Variants in ADAMTSL1 observed in about 807,000 individuals in gnomAD.
ADAMTSL1 encodes the protein ADAMTS like 1, also known as ADAMTS-like protein 1.
A neutral mutation model predicts 201.8 loss-of-function variants in ADAMTSL1; 126 were observed. That is an observed-to-expected ratio of 0.62 (90% CI 0.54 to 0.72). The LOEUF (loss-of-function observed/expected upper bound fraction) is 0.72, where lower values mean the gene tolerates loss of function less well. Among genes scored for constraint, ADAMTSL1 ranks in the 30% least tolerant of loss-of-function variants. The probability of loss-of-function intolerance (pLI) is 0.00; values close to 1 mark genes in which losing one functional copy is unlikely to be tolerated. For missense variants in ADAMTSL1, 2,679 were observed against 2,277.8 expected, an observed-to-expected ratio of 1.18 and a Z score of -3.59; for synonymous variants, 1,121 against 903.4, an observed-to-expected ratio of 1.24 and a Z score of -4.32.
chr9:18,576,542 T>C (rs1376773530), intron 4 of ADAMTSL1, among the ~76,000 whole-genome samples: 1 of 152,206 alleles, frequency 6.6e-6, no homozygotes, highest in African/African-American at 2.4e-5. Flanking sequence ...AACTCTTAAA[T>C]AGAATCACAG....
intron 2 of ADAMTSL1, among the ~76,000 whole-genome samples, chr9:18,274,486 A>G (rs1253104011): frequency 1.3e-5 from 2 of 152,212 alleles, no homozygotes; most frequent in Admixed American, 6.5e-5. Flanking sequence ...GTAGTTTGAA[A>G]AGAAATCTGC....
At chr9:18,838,685 C>T (rs1825495400) in intron 23 of ADAMTSL1, among the ~76,000 whole-genome samples, 1 of 151,438 alleles carries the variant, frequency 6.6e-6, no homozygotes, top group Non-Finnish European at 1.5e-5. Context: ...TAAAATATAA[C>T]TAGGCATGGT....
At chr9:18,650,099 G>T (rs915437884) in intron 7 of ADAMTSL1, among the ~76,000 whole-genome samples, 1 of 152,190 alleles carries the variant, frequency 6.6e-6, no homozygotes. Context: ...GCAATGGCGG[G>T]TGCCCATCCC....
chr9:18,054,257 C>T (rs1311506376), intron 1 of ADAMTSL1, among the ~76,000 whole-genome samples: 1 of 152,192 alleles, frequency 6.6e-6, no homozygotes, highest in Non-Finnish European at 1.5e-5. Flanking sequence ...AATAAATTTA[C>T]ACGCAACCCT....
intron 2 of ADAMTSL1, among the ~76,000 whole-genome samples, chr9:18,455,287 G>A (rs1041215612): frequency 1.3e-5 from 2 of 152,068 alleles, no homozygotes; most frequent in Admixed American, 6.6e-5. Context: ...TCATAGTCAC[G>A]ATTGTATACA....
intron 1 of ADAMTSL1, among the ~76,000 whole-genome samples, chr9:18,498,530 G>T (rs1379264208): frequency 6.6e-6 from 1 of 152,052 alleles, no homozygotes; most frequent in African/African-American, 2.4e-5. Flanking sequence ...TAACGATGGG[G>T]TTTAACCATG....
chr9:18,782,312 G>T (rs975943442), intron 19 of ADAMTSL1, among the ~76,000 whole-genome samples: 2 of 152,154 alleles, frequency 1.3e-5, no homozygotes, highest in Non-Finnish European at 2.9e-5. Flanking sequence ...ACATCGACTT[G>T]CTGGAAATAT....
At chr9:18,691,610 AAAGAT>A (rs1831220865) in intron 13 of ADAMTSL1, among the ~76,000 whole-genome samples, 1 of 152,206 alleles carries the variant, frequency 6.6e-6, no homozygotes, top group Admixed American at 6.5e-5. Flanking sequence ...ATGCCCTGAC[AAAGAT>A]ACAATCCTGC....
intron 2 of ADAMTSL1, among the ~76,000 whole-genome samples, chr9:18,458,821 G>A (rs1233112188): frequency 2.6e-5 from 4 of 152,134 alleles, no homozygotes; most frequent in African/African-American, 9.7e-5. Flanking sequence ...AAATTCTAGA[G>A]CTTGAAGGGA....
chr9:18,840,095 C>T (rs1262671673), intron 23 of ADAMTSL1, among the ~76,000 whole-genome samples: 2 of 146,926 alleles, frequency 1.4e-5, no homozygotes, highest in Non-Finnish European at 3.0e-5. Flanking sequence ...GTGTTTTAGA[C>T]ATGAAGTCCT....
At chr9:18,592,141 G>T (rs752546088) in intron 4 of ADAMTSL1, among the ~76,000 whole-genome samples, 9 of 152,108 alleles carry the variant, frequency 5.9e-5, no homozygotes, top group Non-Finnish European at 1.0e-4. Flanking sequence ...AGCTGTAGTG[G>T]ATCAGATTGG....
At chr9:18,016,483 T>C (rs1223472230) in intron 1 of ADAMTSL1, among the ~76,000 whole-genome samples, 1 of 152,016 alleles carries the variant, frequency 6.6e-6, no homozygotes, top group Non-Finnish European at 1.5e-5. Flanking sequence ...CAGAGTCCTG[T>C]AAGTAAATAT....
At chr9:18,240,842 G>T (rs79149992) in intron 2 of ADAMTSL1, among the ~76,000 whole-genome samples, 2,463 of 152,214 alleles carry the variant, frequency 0.016, 72 homozygotes, top group African/African-American at 0.057. Flanking sequence ...GCTTTACCTT[G>T]CATTTTTCTG....
chr9:18,193,477 TCTC>T (rs1829052351), intron 2 of ADAMTSL1, among the ~76,000 whole-genome samples: 1 of 152,122 alleles, frequency 6.6e-6, no homozygotes, highest in African/African-American at 2.4e-5. Context: ...GAAGCCTTTC[TCTC>T]CTCTTCTGGC....
rs561175889 is a variant in ADAMTSL1, at chr9:18,727,877, C to T, written c.2006+6212C>T. On this transcript the variant is annotated intron_variant, in intron 15 of 28. Transcript: ENST00000380548. ...GGTGGATCATCTGAGATCAGGAGTT[C>T]AAGACCAGCCTGGCCAACGTGGCAA... 4.8e-4 allele frequency among the ~76,000 whole-genome samples: 73 copies of T among 152,018 alleles called. 1 individual carries two copies. Among genetic ancestry groups the T allele is most frequent in the African/African-American group, 1.4e-3 (60 of 41,472 alleles).
chr9:18,050,024 C>T (rs1359241628), intron 1 of ADAMTSL1, among the ~76,000 whole-genome samples: 2 of 152,126 alleles, frequency 1.3e-5, no homozygotes, highest in African/African-American at 4.8e-5. Context: ...ACAACAGATA[C>T]CATATCTATG....
chr9:18,185,110 C>T (rs954810126), intron 2 of ADAMTSL1, among the ~76,000 whole-genome samples: 1 of 152,074 alleles, frequency 6.6e-6, no homozygotes, highest in Non-Finnish European at 1.5e-5. Flanking sequence ...CCCTATGATC[C>T]TCACCTCCTG....
At chr9:18,474,436 A>G (rs1011665244) in intron 1 of ADAMTSL1, 141 bp downstream of exon 1, 1 of 864,492 alleles carries the variant, frequency 1.2e-6, no homozygotes, top group Middle Eastern at 2.4e-4. Context: ...ACGATTACAA[A>G]GAGAGAATAC....
chr9:17,959,043 T>A (rs1401654362), intron 1 of ADAMTSL1, among the ~76,000 whole-genome samples: 1 of 152,184 alleles, frequency 6.6e-6, no homozygotes, highest in Non-Finnish European at 1.5e-5. Context: ...GGAATAGTAA[T>A]TTAATATAAT....
Sources: gnomAD v4.1 joint callset for allele counts (sites outside exome capture counted in the v4.1 genomes callset) on GRCh38, gnomAD v4.1.1 for gene constraint, MANE v1.5 for transcripts, NCBI Gene and HGNC (gene_info 2026-07-23, HGNC 2026-07-21) for gene names.